The following COL25A1 variants were observed in gnomAD, a reference collection of about 807,000 sequenced individuals.
The protein encoded by COL25A1 is collagen alpha-1(XXV) chain.
A neutral mutation model predicts 128.4 loss-of-function variants in COL25A1; 103 were observed. The observed-to-expected ratio is 0.80, with a 90% CI of 0.68 to 0.94. COL25A1 has a LOEUF of 0.94. COL25A1 is among the 40% of genes least tolerant of loss of function. COL25A1 has a pLI of 0.00. For missense variants in COL25A1, 745 were observed against 840.0 expected (o/e 0.89, Z 1.40); for synonymous variants, 279 against 277.2 (o/e 1.01, Z -0.06).
At chr4:108,970,837 A>G (rs1218376667) in intron 8 of COL25A1, among the ~76,000 whole-genome samples, 2 of 152,184 alleles carry the variant, frequency 1.3e-5, no homozygotes, top group East Asian at 1.9e-4. Context: ...TTCACTTAAC[A>G]TAATGTCCTT....
At chr4:108,935,393 G>A (rs1359352848) in intron 11 of COL25A1, among the ~76,000 whole-genome samples, 1 of 152,108 alleles carries the variant, frequency 6.6e-6, no homozygotes, top group Non-Finnish European at 1.5e-5. Context: ...TGTTCACTTG[G>A]TGAAAATTCA....
chr4:109,091,732 G>GAA (rs546146394), intron 3 of COL25A1, among the ~76,000 whole-genome samples: 223 of 129,636 alleles, frequency 1.7e-3, no homozygotes, highest in African/African-American at 6.0e-3. Context: ...TCTTTAGGTG[G>GAA]AAAAAAAAAA....
At position 109,039,649 on chromosome 4, in the gene COL25A1, T is replaced by C. The variant is rs560336353; in HGVS notation, c.420+8519A>G. 5.3e-5 allele frequency among the ~76,000 whole-genome samples: 8 copies of C among 152,330 alleles called. No individual in the cohort carries two copies. The South Asian group carries it at 1.2e-3, about 24-fold the overall frequency. On this transcript the variant is annotated intron_variant, in intron 5 of 37. Transcript: ENST00000399132. ...TTGCTATGTTTTTGTTTTGTTTTCT[T>C]CCTCTCTAGATGATAAGGACCTTGA...
At chr4:109,175,258 A>G (rs1188453882) in intron 3 of COL25A1, among the ~76,000 whole-genome samples, 1 of 152,220 alleles carries the variant, frequency 6.6e-6, no homozygotes, top group African/African-American at 2.4e-5. Flanking sequence ...TCGAGTTTCT[A>G]GCATTACAAA....
intron 6 of COL25A1, among the ~76,000 whole-genome samples, chr4:108,990,531 T>A (rs982513198): frequency 5.9e-5 from 9 of 151,952 alleles, no homozygotes; most frequent in African/African-American, 1.9e-4. Flanking sequence ...CATTATTTCT[T>A]AACTTTAATA....
At chr4:109,058,652 G>A (rs1761666060) in intron 3 of COL25A1, among the ~76,000 whole-genome samples, 1 of 151,992 alleles carries the variant, frequency 6.6e-6, no homozygotes, top group South Asian at 2.1e-4. Flanking sequence ...TTAAAAAGTG[G>A]GCTAATAGAA....
intron 10 of COL25A1, 42 bp from the exon 11 acceptor site, chr4:108,937,885 T>C: frequency 6.6e-7 from 1 of 1,517,886 alleles, no homozygotes; most frequent in Non-Finnish European, 9.0e-7. Context: ...GCTGTAAGTA[T>C]TTAAAAAAAA....
At position 108,847,087 on chromosome 4, in the gene COL25A1, G is replaced by T. The variant is rs181286879; in HGVS notation, c.1435-868C>A. Among the ~76,000 whole-genome samples the T allele has an allele frequency of 2.2e-4, 34 of 151,886 alleles. 1 individual carries two copies. The East Asian group carries it at 6.0e-3, about 27-fold the overall frequency. On this transcript the variant is annotated intron_variant, in intron 27 of 37. Transcript: ENST00000399132. ...TGCCCAGGTAATTTTTGTATTTTTA[G>T]TAGAGACGAGGTTTCACCATGTTGG...
At chr4:108,982,795 A>G (rs1455183535) in intron 6 of COL25A1, among the ~76,000 whole-genome samples, 2 of 152,190 alleles carry the variant, frequency 1.3e-5, no homozygotes, top group African/African-American at 4.8e-5. Flanking sequence ...TTTTCTGGGC[A>G]TTTTCCACAG....
chr4:109,041,538 C>T (rs542151988), intron 5 of COL25A1, among the ~76,000 whole-genome samples: 12 of 106,746 alleles, frequency 1.1e-4, no homozygotes, highest in African/African-American at 6.5e-4. Context: ...TTTACTTCTT[C>T]AGAATTATTT....
chr4:109,139,044 T>C (rs1166846672), intron 3 of COL25A1, among the ~76,000 whole-genome samples: 3 of 152,188 alleles, frequency 2.0e-5, no homozygotes, highest in African/African-American at 4.8e-5. Context: ...CATTGTGGTT[T>C]TGATTTGCAT....
intron 3 of COL25A1, among the ~76,000 whole-genome samples, chr4:109,086,471 ATCT>A (rs1299167541): frequency 6.6e-6 from 1 of 152,232 alleles, no homozygotes; most frequent in Non-Finnish European, 1.5e-5. Context: ...ATAATTTATC[ATCT>A]TCTATTTTTG....
Position 109,301,978 on chromosome 4 carries a change from C to A in COL25A1, c.42G>T (p.Glu14Asp), listed in dbSNP as rs1433261647. ...CAGGGGTCGGGTCCTCGGATCTGGGCTCCCGGCCCCCTCCTTTCCCTGCGT... is the reference window on the plus strand; with the variant it reads ...CAGGGGTCGGGTCCTCGGATCTGGGATCCCGGCCCCCTCCTTTCCCTGCGT... The part of the protein sequence containing the change: ...KKHAGKGGGR[E>D]PRSEDPTPAE... The change falls in exon 2 of 38, where the codon GAG becomes GAT. Residue 14 changes from glutamate to aspartate, a missense_variant. By Grantham distance (45) the Glu-to-Asp change is conservative. Transcript: ENST00000399132. The A allele has an allele frequency of 3.1e-6, 5 of 1,607,366 alleles. No homozygotes were observed. The highest frequency in any genetic ancestry group is 4.2e-6 in the Non-Finnish European group (5 of 1,177,196).
chr4:109,129,805 C>T (rs926179883), intron 3 of COL25A1, among the ~76,000 whole-genome samples: 13 of 152,102 alleles, frequency 8.5e-5, no homozygotes, highest in African/African-American at 2.7e-4. Flanking sequence ...TAGATTTGGC[C>T]AAGTTTAATA....
intron 3 of COL25A1, among the ~76,000 whole-genome samples, chr4:109,086,022 G>C (rs183110043): frequency 2.4e-3 from 364 of 152,312 alleles, no homozygotes; most frequent in South Asian, 0.013. Flanking sequence ...TCCCCTGAAA[G>C]ATTATTAGCT....
chr4:108,956,988 G>C (rs947953913), intron 8 of COL25A1, among the ~76,000 whole-genome samples: 2 of 152,042 alleles, frequency 1.3e-5, no homozygotes, highest in Non-Finnish European at 2.9e-5. Context: ...AATAGTAACA[G>C]TAAAAAAAAT....
At chr4:108,885,266 T>A (rs534398033) in intron 18 of COL25A1, among the ~76,000 whole-genome samples, 1 of 152,318 alleles carries the variant, frequency 6.6e-6, no homozygotes, top group East Asian at 1.9e-4. Flanking sequence ...AGAAGTTTCA[T>A]CTTTAGTAAT....
intron 5 of COL25A1, among the ~76,000 whole-genome samples, chr4:109,039,313 C>G (rs1397511264): frequency 1.3e-5 from 2 of 152,164 alleles, no homozygotes; most frequent in African/African-American, 4.8e-5. Context: ...ATGCAAAGTA[C>G]TCCATAGCCT....
At chr4:108,994,888 G>A (rs1754603945) in intron 6 of COL25A1, among the ~76,000 whole-genome samples, 1 of 152,078 alleles carries the variant, frequency 6.6e-6, no homozygotes. Flanking sequence ...CCTGTTAGAA[G>A]GAAAACTAAC....
Sources: gnomAD v4.1 joint callset for allele counts (sites outside exome capture counted in the v4.1 genomes callset) on GRCh38, gnomAD v4.1.1 for gene constraint, MANE v1.5 for transcripts, NCBI Gene and HGNC (gene_info 2026-07-23, HGNC 2026-07-21) for gene names.